ADORA2B: variants seen among roughly 807,000 people sequenced by gnomAD.
ADORA2B encodes adenosine receptor A2b.
A neutral mutation model predicts 20.8 loss-of-function variants in ADORA2B; 18 were observed. The ratio of observed to expected loss-of-function variants is 0.87; its 90% CI spans 0.60 to 1.29. The LOEUF (loss-of-function observed/expected upper bound fraction) is 1.29, where lower values mean the gene tolerates loss of function less well. ADORA2B is among the 50% of genes most tolerant of loss of function. The probability of loss-of-function intolerance (pLI) is 0.00; values close to 1 mark genes in which losing one functional copy is unlikely to be tolerated. For synonymous variants in ADORA2B, 179 were observed against 178.3 expected (o/e 1.00, Z -0.03); for missense variants, 441 against 422.7 (o/e 1.04, Z -0.38).
At chr17:15,865,354 C>T in the ADORA2B span, among the ~76,000 whole-genome samples, 1 of 151,558 alleles carries the variant, frequency 6.6e-6, no homozygotes, top group Non-Finnish European at 1.5e-5. Context: ...CTCTGCCTCC[C>T]GGGTTCAAGC....
chr17:15,963,010 G>T (rs541480264), intron 1 of ADORA2B, among the ~76,000 whole-genome samples: 3 of 152,292 alleles, frequency 2.0e-5, no homozygotes, highest in Non-Finnish European at 4.4e-5. Context: ...TTTTAGTGGA[G>T]AATTATATAT....
At chr17:15,908,465 C>G in the ADORA2B span, 1 of 154,780 alleles carries the variant, frequency 6.5e-6, no homozygotes, top group Non-Finnish European at 1.5e-5. Context: ...AAGACCTAAC[C>G]TGGATTGAAG....
chr17:15,911,163 C>T, the ADORA2B span, among the ~76,000 whole-genome samples: 6 of 152,262 alleles, frequency 3.9e-5, no homozygotes, highest in East Asian at 1.9e-4. Flanking sequence ...TTATATCACC[C>T]GCGCCTTTGT....
the ADORA2B span, among the ~76,000 whole-genome samples, chr17:15,874,387 T>A: frequency 2.0e-5 from 3 of 151,960 alleles, no homozygotes; most frequent in Non-Finnish European, 4.4e-5. Context: ...TATTTTACCT[T>A]ATTTTTTAAA....
At chr17:15,872,705 C>T in the ADORA2B span, among the ~76,000 whole-genome samples, 4 of 152,072 alleles carry the variant, frequency 2.6e-5, no homozygotes, top group Non-Finnish European at 5.9e-5. Flanking sequence ...TTCTCAGCTT[C>T]GTCGTTGTTG....
At chr17:15,894,790 T>G in the ADORA2B span, among the ~76,000 whole-genome samples, 1 of 152,192 alleles carries the variant, frequency 6.6e-6, no homozygotes, top group Non-Finnish European at 1.5e-5. Flanking sequence ...AAGCTCTGTT[T>G]TGATTACTCC....
rs559693569 is a variant in ADORA2B at position 15,961,036 on chromosome 17, G to A, written c.336-13643G>A. Among the ~76,000 whole-genome samples, 1,094 of 151,126 alleles carry A rather than the reference G, an allele frequency of 7.2e-3. 18 individuals carry two copies. Among genetic ancestry groups the A allele is most frequent in the African/African-American group, 0.025 (1,028 of 41,122 alleles). ...CAAAAAATTAGCCAGGCGTGGTGGC[G>A]GGTGCCTGTAGTCCCAGCTACTCAG... is the stretch of plus-strand genomic sequence containing the variant. On this transcript the variant is annotated intron_variant, in intron 1 of 1. Transcript: ENST00000304222.
the ADORA2B span, among the ~76,000 whole-genome samples, chr17:15,876,815 G>T: frequency 6.6e-6 from 1 of 152,056 alleles, no homozygotes; most frequent in African/African-American, 2.4e-5. Flanking sequence ...TAAGTGTACA[G>T]TTCAGTATTG....
the ADORA2B span, among the ~76,000 whole-genome samples, chr17:15,924,976 G>A: frequency 4.6e-5 from 7 of 151,582 alleles, no homozygotes; most frequent in Non-Finnish European, 7.4e-5. Flanking sequence ...CTGAGCTCAA[G>A]CAATCCTCCT....
chr17:15,873,881 TC>T, the ADORA2B span, among the ~76,000 whole-genome samples: 1 of 152,066 alleles, frequency 6.6e-6, no homozygotes, highest in South Asian at 2.1e-4. Flanking sequence ...AATTCAACAA[TC>T]CTACTACTGG....
chr17:15,906,523 T>C, the ADORA2B span, among the ~76,000 whole-genome samples: 2 of 152,178 alleles, frequency 1.3e-5, no homozygotes. Context: ...TGTTAAGGGT[T>C]TTTGTGTCTG....
upstream of ADORA2B, chr17:15,945,116 C>T: frequency 3.8e-6 from 3 of 792,968 alleles, no homozygotes; most frequent in Admixed American, 1.3e-4. Context: ...ACCAGCGCCC[C>T]AGCCCCGAGG....
rs1970247085 is a variant in ADORA2B at position 15,975,575 on chromosome 17, C to CCAA, written c.*236_*238dup. On this transcript the variant is annotated 3_prime_UTR_variant, in exon 2 of 2. Coordinates refer to ENST00000304222, the MANE Select transcript of ADORA2B (RefSeq NM_000676.4). ...AGCTGCTTTTACTGTGTGGATTATG[C>CCAA]CAACAGCTTGAATGGATTCTAACAG... 1 of 527,642 alleles carries CCAA rather than the reference C, an allele frequency of 1.9e-6. No homozygotes were observed. Among genetic ancestry groups the CCAA allele is most frequent in the African/African-American group, 1.9e-5 (1 of 52,500 alleles). 32.7% of individuals were successfully genotyped at this position (527,642 alleles called of 1,614,324 possible). A position where few individuals can be genotyped will look rare whatever the true frequency, so the allele number is the denominator to read the frequency against.
At chr17:15,921,656 A>C in the ADORA2B span, among the ~76,000 whole-genome samples, 1 of 152,206 alleles carries the variant, frequency 6.6e-6, no homozygotes, top group Non-Finnish European at 1.5e-5. Context: ...GTTAAGTGGC[A>C]AGGGATAGAG....
the ADORA2B span, among the ~76,000 whole-genome samples, chr17:15,877,642 G>A: frequency 3.3e-5 from 5 of 152,134 alleles, no homozygotes; most frequent in African/African-American, 1.2e-4. Flanking sequence ...TGTTTTCAGT[G>A]TATCACTTGT....
At chr17:15,925,970 A>T in the ADORA2B span, among the ~76,000 whole-genome samples, 1 of 149,210 alleles carries the variant, frequency 6.7e-6, no homozygotes, top group Non-Finnish European at 1.5e-5. Context: ...ACTCCGTCTT[A>T]AAAAAAAAAC....
the ADORA2B span, among the ~76,000 whole-genome samples, chr17:15,863,550 C>T: frequency 4.6e-5 from 7 of 152,054 alleles, no homozygotes; most frequent in Non-Finnish European, 1.0e-4. Flanking sequence ...GTTGAGGTCT[C>T]ACTATGTTTC....
the ADORA2B span, among the ~76,000 whole-genome samples, chr17:15,883,723 G>A: frequency 6.6e-6 from 1 of 152,188 alleles, no homozygotes; most frequent in Non-Finnish European, 1.5e-5. Flanking sequence ...ACCTCTTTGA[G>A]GGCAATTTGG....
At chr17:15,914,870 C>G in the ADORA2B span, among the ~76,000 whole-genome samples, 8 of 152,222 alleles carry the variant, frequency 5.3e-5, no homozygotes, top group Admixed American at 2.6e-4. Context: ...ACTTTAGATC[C>G]TAACTTCTTA....
Sources: allele counts gnomAD v4.1 joint callset (sites outside exome capture counted in the v4.1 genomes callset), GRCh38; gene constraint gnomAD v4.1.1; transcripts MANE v1.5; gene names NCBI Gene and HGNC (gene_info 2026-07-23, HGNC 2026-07-21).